PSMB1: variants seen among roughly 807,000 people sequenced by gnomAD.
PSMB1 encodes the protein proteasome 20S subunit beta 1, also known as proteasome subunit beta type-1.
A neutral mutation model predicts 25.4 loss-of-function variants in PSMB1; 7 were observed. That is an observed-to-expected ratio of 0.28 (90% CI 0.16 to 0.52). PSMB1 has a LOEUF of 0.52. Among genes scored for constraint, PSMB1 ranks in the 20% least tolerant of loss-of-function variants. The probability of loss-of-function intolerance (pLI) is 0.97; values close to 1 mark genes in which losing one functional copy is unlikely to be tolerated. For synonymous variants in PSMB1, 119 were observed against 115.0 expected, an observed-to-expected ratio of 1.03 and a Z score of -0.22; for missense variants, 284 against 302.2, an observed-to-expected ratio of 0.94 and a Z score of 0.45.
At chr6:170,552,519 A>T (rs200087141) in intron 1 of PSMB1, among the ~76,000 whole-genome samples, 1 of 35,094 alleles carries the variant, frequency 2.8e-5, no homozygotes, top group Non-Finnish European at 5.2e-5. Context: ...GCTAAACGTT[A>T]AAAAAAAAAA....
chr6:170,553,053 C>T, intron 1 of PSMB1, 77 bp downstream of exon 1: 2 of 1,296,528 alleles, frequency 1.5e-6, no homozygotes, highest in Non-Finnish European at 2.2e-6. Context: ...AGCGCCATCA[C>T]GGCGGTGACT....
rs1778860213 is a variant in PSMB1, at chr6:170,549,132, A to T, written c.114-19T>A. Reference sequence around the variant, plus strand: ...TATAGTACTGAGGAAAAAAGAAAAAAATTAATTCTCCAGGGTGGTAATCCT... The same window carrying T: ...TATAGTACTGAGGAAAAAAGAAAAATATTAATTCTCCAGGGTGGTAATCCT... On this transcript the variant is annotated intron_variant, in intron 1 of 5. Transcript: ENST00000262193. The T allele has an allele frequency of 8.8e-6, 13 of 1,471,014 alleles. No homozygotes were observed. The highest frequency in any genetic ancestry group is 1.0e-5 in the Non-Finnish European group (11 of 1,052,852). The allele number at this position is 1,471,014 out of a possible 1,614,324, so 91.1% of individuals were successfully genotyped here. A position where few individuals can be genotyped will look rare whatever the true frequency, so the allele number is the denominator to read the frequency against.
chr6:170,546,078 T>C (rs750010848), intron 3 of PSMB1, 25 bp downstream of exon 3: 6 of 1,577,272 alleles, frequency 3.8e-6, no homozygotes, highest in Admixed American at 1.7e-5. Flanking sequence ...TTTAAAATAG[T>C]GTAGAAATGT....
chr6:170,539,656 C>T (rs1380097047), intron 4 of PSMB1, among the ~76,000 whole-genome samples: 2 of 152,074 alleles, frequency 1.3e-5, no homozygotes, highest in African/African-American at 2.4e-5. Context: ...AGGGTACTGG[C>T]GTATCCTTCA....
intron 1 of PSMB1, among the ~76,000 whole-genome samples, chr6:170,551,004 G>T (rs1229657625): frequency 3.3e-5 from 5 of 151,792 alleles, no homozygotes; most frequent in Non-Finnish European, 7.4e-5. Flanking sequence ...AATTAGCCAG[G>T]CGTGGTGGCA....
Position 170,553,086 on chromosome 6 carries a change from G to C in PSMB1, c.113+44C>G, listed in dbSNP as rs776629233. 7.9e-6 allele frequency: 12 copies of C among 1,511,138 alleles called. No individual in the cohort carries two copies. The South Asian group carries it at 1.3e-4, about 16-fold the overall frequency. 93.6% of individuals were successfully genotyped at this position (1,511,138 alleles called of 1,614,324 possible). A position where few individuals can be genotyped will look rare whatever the true frequency, so the allele number is the denominator to read the frequency against. ...ACTCCTAAATAGGCTTCAGCAGATG[G>C]GGGAAGGGCGAAAGTGAAAGCCGCA... On this transcript the variant is annotated intron_variant, in intron 1 of 5. Transcript: ENST00000262193.
chr6:170,546,762 G>T (rs779904502), intron 2 of PSMB1, among the ~76,000 whole-genome samples: 6 of 152,172 alleles, frequency 3.9e-5, no homozygotes, highest in Non-Finnish European at 7.3e-5. Flanking sequence ...ACTGCACCCA[G>T]CCTCGTGAAG....
At chr6:170,546,215 T>C (rs754589428) in intron 2 of PSMB1, 31 bp from the exon 3 acceptor site, 2 of 1,581,562 alleles carry the variant, frequency 1.3e-6, no homozygotes, top group South Asian at 1.1e-5. Context: ...AAAACTGAGC[T>C]GGTTAGATAG....
intron 2 of PSMB1, among the ~76,000 whole-genome samples, chr6:170,548,011 AC>A (rs1562353445): frequency 6.6e-6 from 1 of 151,796 alleles, no homozygotes; most frequent in East Asian, 1.9e-4. Flanking sequence ...AATATTTACT[AC>A]TTTCAAGTTG....
chr6:170,552,508 A>T (rs1228567113), intron 1 of PSMB1, among the ~76,000 whole-genome samples: 1 of 122,048 alleles, frequency 8.2e-6, no homozygotes, highest in Non-Finnish European at 1.7e-5. Flanking sequence ...CCTGAACTTA[A>T]GCTAAACGTT....
At position 170,549,256 on chromosome 6, in the gene PSMB1, G is replaced by A. The variant is rs182879906; in HGVS notation, c.114-143C>T. ...TCAAATGGGAAGAGGAAAGATGAGCGGGAAGAGAATGAACGCCTGGCTACG... is the reference window on the plus strand; with the variant it reads ...TCAAATGGGAAGAGGAAAGATGAGCAGGAAGAGAATGAACGCCTGGCTACG... On this transcript the variant is annotated intron_variant, in intron 1 of 5. Transcript: ENST00000262193. 1.2e-3 allele frequency: 607 copies of A among 500,296 alleles called. 11 individuals are homozygous for A. In the East Asian group the frequency reaches 0.018, roughly 15 times the overall value. 31.0% of individuals were successfully genotyped at this position (500,296 alleles called of 1,614,324 possible).
chr6:170,545,771 T>C (rs577723849), intron 3 of PSMB1, among the ~76,000 whole-genome samples: 2 of 152,354 alleles, frequency 1.3e-5, no homozygotes, highest in Admixed American at 6.5e-5. Flanking sequence ...AAATCTTTCC[T>C]GGGCTCTCTC....
intron 4 of PSMB1, among the ~76,000 whole-genome samples, chr6:170,538,670 G>T (rs1053547994): frequency 6.6e-6 from 1 of 152,180 alleles, no homozygotes; most frequent in Admixed American, 6.5e-5. Context: ...CTGCACTCCA[G>T]CCTGGGCAAC....
chr6:170,551,814 C>A (rs749089753), intron 1 of PSMB1, among the ~76,000 whole-genome samples: 5 of 152,180 alleles, frequency 3.3e-5, no homozygotes, highest in Non-Finnish European at 5.9e-5. Context: ...ATGCTAATAT[C>A]ATCTAACATT....
chr6:170,551,390 G>A (rs1778899884), intron 1 of PSMB1, among the ~76,000 whole-genome samples: 1 of 152,168 alleles, frequency 6.6e-6, no homozygotes, highest in African/African-American at 2.4e-5. Context: ...TACATTTAAA[G>A]ACAGAGTAGG....
intron 2 of PSMB1, among the ~76,000 whole-genome samples, chr6:170,547,027 A>T (rs59928200): frequency 6.6e-6 from 1 of 152,194 alleles, no homozygotes; most frequent in Non-Finnish European, 1.5e-5. Context: ...CACCATAAAC[A>T]TAAGAGCCTC....
intron 2 of PSMB1, among the ~76,000 whole-genome samples, chr6:170,546,870 A>C (rs1778825999): frequency 6.6e-6 from 1 of 152,196 alleles, no homozygotes; most frequent in Admixed American, 6.5e-5. Context: ...GCTTTTTAAA[A>C]CCCTAAGAAA....
chr6:170,546,756 C>T (rs1231963398), intron 2 of PSMB1, among the ~76,000 whole-genome samples: 1 of 152,166 alleles, frequency 6.6e-6, no homozygotes, highest in Non-Finnish European at 1.5e-5. Context: ...TGAACCACTG[C>T]ACCCAGCCTC....
At position 170,546,090 on chromosome 6, in the gene PSMB1, C is replaced by T. The variant is rs377165401; in HGVS notation, c.303+13G>A. 3 of 1,604,540 alleles carry T rather than the reference C, an allele frequency of 1.9e-6. No individual in the cohort carries two copies. The African/African-American group carries it at 4.0e-5, about 21-fold the overall frequency. On this transcript the variant is annotated intron_variant, in intron 3 of 5. Transcript: ENST00000262193. ...TAATTTAAAATAGTGTAGAAATGTA[C>T]AAAAGCATCTACCTTTAGTCTTGCT...
Sources: gnomAD v4.1 joint callset for allele counts (sites outside exome capture counted in the v4.1 genomes callset) on GRCh38, gnomAD v4.1.1 for gene constraint, MANE v1.5 for transcripts, NCBI Gene and HGNC (gene_info 2026-07-23, HGNC 2026-07-21) for gene names.